PEBP4: variants seen among roughly 807,000 people sequenced by gnomAD.
The protein encoded by PEBP4 is phosphatidylethanolamine-binding protein 4.
In PEBP4, 22 loss-of-function variants were observed where a neutral mutation model predicts 23.9. That is an observed-to-expected ratio of 0.92 (90% CI 0.66 to 1.31). The LOEUF is 1.31. Ranked by LOEUF, PEBP4 falls within the 40% of genes most tolerant of loss-of-function variation. The pLI is 0.00. For missense variants in PEBP4, 324 were observed against 281.7 expected (o/e 1.15, Z -1.07); for synonymous variants, 112 against 99.3 (o/e 1.13, Z -0.76).
At chr8:22,797,362 C>A (rs1349756165) in intron 4 of PEBP4, among the ~76,000 whole-genome samples, 1 of 151,486 alleles carries the variant, frequency 6.6e-6, no homozygotes, top group Admixed American at 6.6e-5. Context: ...GAAAAGGGGC[C>A]GAGGTGATCA....
chr8:22,929,748 G>A (rs373177261), upstream of PEBP4, among the ~76,000 whole-genome samples: 12 of 152,126 alleles, frequency 7.9e-5, no homozygotes, highest in African/African-American at 1.7e-4. Context: ...CACTCTCATC[G>A]CCCAGGCTGG....
intron 4 of PEBP4, among the ~76,000 whole-genome samples, chr8:22,785,847 T>C (rs1806016786): frequency 6.6e-6 from 1 of 152,228 alleles, no homozygotes; most frequent in Admixed American, 6.5e-5. Flanking sequence ...TGGGCTTTGC[T>C]GCTCTTCCTC....
At chr8:22,860,514 G>C (rs74353120) in intron 3 of PEBP4, among the ~76,000 whole-genome samples, 1 of 152,090 alleles carries the variant, frequency 6.6e-6, no homozygotes, top group Non-Finnish European at 1.5e-5. Flanking sequence ...ATTTCACTTA[G>C]CATAATGTCC....
intron 3 of PEBP4, among the ~76,000 whole-genome samples, chr8:22,870,873 G>A (rs1437530596): frequency 2.6e-5 from 4 of 152,174 alleles, no homozygotes; most frequent in Non-Finnish European, 5.9e-5. Flanking sequence ...TGGGACCTCT[G>A]CCAGAGAAGG....
chr8:22,760,548 G>C (rs1805486334), intron 4 of PEBP4, among the ~76,000 whole-genome samples: 1 of 152,094 alleles, frequency 6.6e-6, no homozygotes, highest in South Asian at 2.1e-4. Flanking sequence ...TGGGGTGGCT[G>C]AGGCCAGGGA....
chr8:22,877,734 C>T (rs996846996), intron 3 of PEBP4, among the ~76,000 whole-genome samples: 39 of 152,148 alleles, frequency 2.6e-4, no homozygotes, highest in African/African-American at 9.2e-4. Context: ...GGGCTTTCCT[C>T]GAATTGACAA....
chr8:22,729,105 G>A (rs540667735), intron 4 of PEBP4, among the ~76,000 whole-genome samples: 3 of 152,310 alleles, frequency 2.0e-5, no homozygotes, highest in African/African-American at 7.2e-5. Flanking sequence ...GCCCAGGTGT[G>A]GCCAAAGGGC....
chr8:22,817,788 T>C (rs976986639), intron 3 of PEBP4, 53 bp from the exon 4 acceptor site: 2 of 1,529,524 alleles, frequency 1.3e-6, no homozygotes, highest in African/African-American at 1.4e-5. Flanking sequence ...AATAGGAAAA[T>C]ACCACGGGGC....
In PEBP4 at chr8:22,753,099, C is replaced by G. The variant is rs7009749; in HGVS notation, c.358-25879G>C. Among the ~76,000 whole-genome samples, 971 of 152,310 alleles carry G rather than the reference C, an allele frequency of 6.4e-3. 14 individuals carry two copies. Among genetic ancestry groups the G allele is most frequent in the African/African-American group, 0.023 (941 of 41,556 alleles). ...GAAGTATCCTGGTAGCTTAGTTCAG[C>G]GCACATTGATCGAGTGCCTACCAGG... is the stretch of plus-strand genomic sequence containing the variant. On this transcript the variant is annotated intron_variant, in intron 4 of 6. Transcript: ENST00000256404.
chr8:22,802,808 A>G (rs80020540), intron 4 of PEBP4, among the ~76,000 whole-genome samples: 146 of 152,304 alleles, frequency 9.6e-4, no homozygotes, highest in Admixed American at 1.5e-3. Flanking sequence ...ATTTTGGCAG[A>G]AAGAAAAGTC....
At chr8:22,827,696 T>A (rs1358807522) in intron 3 of PEBP4, among the ~76,000 whole-genome samples, 1 of 152,258 alleles carries the variant, frequency 6.6e-6, no homozygotes, top group East Asian at 1.9e-4. Context: ...CTGTGAACAT[T>A]TGCTGTAAGT....
intron 3 of PEBP4, chr8:22,878,233 G>GGGGAGAGGGAGGGGGA (rs1343109880): frequency 7.9e-6 from 1 of 126,772 alleles, no homozygotes; most frequent in Non-Finnish European, 1.8e-5. Flanking sequence ...GGAGAGGGAG[G>GGGGAGAGGGAGGGGGA]GAGGGAGGGA....
intron 6 of PEBP4, 88 bp downstream of exon 6, chr8:22,724,755 A>G: frequency 1.0e-6 from 1 of 989,778 alleles, no homozygotes; most frequent in Non-Finnish European, 1.6e-6. Context: ...GTGGGGGTCA[A>G]GGCCCCAATT....
At chr8:22,917,997 C>T (rs571895609) in intron 3 of PEBP4, among the ~76,000 whole-genome samples, 53 of 152,344 alleles carry the variant, frequency 3.5e-4, no homozygotes, top group African/African-American at 1.2e-3. Flanking sequence ...CTGAAGTTAT[C>T]CCTGGAGTTT....
At chr8:22,753,294 G>T (rs529518542) in intron 4 of PEBP4, among the ~76,000 whole-genome samples, 5 of 152,278 alleles carry the variant, frequency 3.3e-5, no homozygotes, top group Admixed American at 2.0e-4. Context: ...AGGGAGCTGT[G>T]AGCATCCCAG....
intron 3 of PEBP4, chr8:22,879,318 A>G (rs1189824305): frequency 2.6e-5 from 4 of 152,208 alleles, no homozygotes; most frequent in African/African-American, 9.7e-5. Flanking sequence ...GGTGGGAACT[A>G]TATCTTAGTC....
chr8:22,868,065 C>T (rs998901925), intron 3 of PEBP4, among the ~76,000 whole-genome samples: 4 of 152,150 alleles, frequency 2.6e-5, no homozygotes, highest in Admixed American at 6.5e-5. Context: ...AAGTGGCTGC[C>T]GACAGAGTTG....
chr8:22,916,690 T>G (rs1469541253), intron 3 of PEBP4, among the ~76,000 whole-genome samples: 2 of 152,184 alleles, frequency 1.3e-5, no homozygotes, highest in Admixed American at 6.5e-5. Context: ...ATTCATGCAT[T>G]CACCTGTTCA....
intron 4 of PEBP4, among the ~76,000 whole-genome samples, chr8:22,794,827 C>T (rs1481084801): frequency 2.0e-5 from 3 of 151,964 alleles, no homozygotes; most frequent in Non-Finnish European, 4.4e-5. Flanking sequence ...ATATTAAAGC[C>T]TGTTCTCTTC....
Sources: allele counts gnomAD v4.1 joint callset (sites outside exome capture counted in the v4.1 genomes callset), GRCh38; gene constraint gnomAD v4.1.1; transcripts MANE v1.5; gene names NCBI Gene and HGNC (gene_info 2026-07-23, HGNC 2026-07-21).